Variants in TAOK3 observed in about 807,000 individuals in gnomAD.
TAOK3 encodes TAO kinase 3, also known as serine/threonine-protein kinase TAO3.
Under a neutral mutation model 120.4 loss-of-function variants are expected in TAOK3, and 40 were observed. That is an observed-to-expected ratio of 0.33 (90% CI 0.26 to 0.43). The LOEUF is 0.43. Ranked by LOEUF, TAOK3 falls within the 20% of genes least tolerant of loss-of-function variation. The pLI, the probability that TAOK3 is intolerant of heterozygous loss-of-function variation, is 1.00. For missense variants in TAOK3, 821 were observed against 1,112.1 expected (o/e 0.74, Z 3.72); for synonymous variants, 355 against 387.5 (o/e 0.92, Z 0.99).
In TAOK3 at chr12:118,177,263, A is replaced by T; in HGVS notation, c.1633T>A (p.Leu545Met). The change falls in exon 16 of 21, where the codon TTG (leucine) becomes ATG (methionine). Residue 545 changes from leucine (L) to methionine (M), a missense_variant. Physicochemically the swap from Leu to Met is conservative, Grantham distance 15. This residue lies in a region of TAOK3 where 354 missense variants were observed against 572.1 expected (regional missense o/e 0.62). Coordinates refer to ENST00000392533, the MANE Select transcript of TAOK3 (RefSeq NM_016281.4). ...QQILAQQKKD[L>M]TTFLESQKKQ... Reference sequence around the variant, plus strand: ...TTCTGACTTTCTAAGAAAGTTGTCAAATCTTTCTTCTGCTGGGCCAAGATC... The same window carrying T: ...TTCTGACTTTCTAAGAAAGTTGTCATATCTTTCTTCTGCTGGGCCAAGATC... 6.2e-7 allele frequency: 1 copy of T among 1,613,370 alleles called. No homozygotes were observed. Among genetic ancestry groups the T allele is most frequent in the Non-Finnish European group, 8.5e-7 (1 of 1,179,496 alleles).
chr12:118,332,705 C>CT (rs1343201190), intron 1 of TAOK3, among the ~76,000 whole-genome samples: 2 of 152,190 alleles, frequency 1.3e-5, no homozygotes, highest in Non-Finnish European at 2.9e-5. Context: ...TAAACAGTCT[C>CT]TTACGCAATG....
intron 1 of TAOK3, among the ~76,000 whole-genome samples, chr12:118,295,843 C>T (rs1185077460): frequency 6.6e-6 from 1 of 152,140 alleles, no homozygotes; most frequent in African/African-American, 2.4e-5. Context: ...AAATATCTCA[C>T]CCACATCCAT....
chr12:118,271,380 A>C (rs893933368), intron 1 of TAOK3, among the ~76,000 whole-genome samples: 2 of 152,112 alleles, frequency 1.3e-5, no homozygotes, highest in South Asian at 2.1e-4. Context: ...TTACTAACAT[A>C]CTTTCCATCT....
intron 12 of TAOK3, chr12:118,201,039 C>A: frequency 3.3e-6 from 1 of 306,000 alleles, no homozygotes; most frequent in Non-Finnish European, 6.1e-6. Context: ...TCCAGGAAAC[C>A]TTCACTAATC....
At chr12:118,335,166 A>G (rs1198215085) in intron 1 of TAOK3, among the ~76,000 whole-genome samples, 1 of 151,498 alleles carries the variant, frequency 6.6e-6, no homozygotes, top group Non-Finnish European at 1.5e-5. Context: ...CCTGGGCAAC[A>G]AGAGCAAAAC....
At chr12:118,272,754 T>C (rs539346702) in intron 1 of TAOK3, among the ~76,000 whole-genome samples, 11 of 151,776 alleles carry the variant, frequency 7.2e-5, no homozygotes, top group Admixed American at 3.9e-4. Context: ...GAGGGTTGCT[T>C]GAGTCCAGGA....
intron 9 of TAOK3, among the ~76,000 whole-genome samples, chr12:118,224,878 C>A (rs1371535849): frequency 6.6e-6 from 1 of 151,934 alleles, no homozygotes; most frequent in African/African-American, 2.4e-5. Flanking sequence ...GGATAACAAG[C>A]TATTATGGAA....
rs189141752 is a variant in TAOK3, at chr12:118,172,825, T to C, written c.1696-165A>G. On this transcript the variant is annotated intron_variant, in intron 16 of 20. Coordinates refer to ENST00000392533, the MANE Select transcript of TAOK3 (RefSeq NM_016281.4). ...CCAATTTTTTTTATTTGCTCATTAA[T>C]TGAGTATTAAGTGAGAGGGACACTT... 9.2e-4 allele frequency among the ~76,000 whole-genome samples: 139 copies of C among 151,144 alleles called. No homozygotes were observed. Among genetic ancestry groups the C allele is most frequent in the Admixed American group, 1.4e-3 (21 of 15,224 alleles).
Position 118,214,019 on chromosome 12 carries a change from T to C in TAOK3, c.735A>G (p.Glu245=). The C allele has an allele frequency of 6.2e-7, 1 of 1,607,858 alleles. No homozygotes were observed. The highest frequency in any genetic ancestry group is 1.1e-5 in the South Asian group (1 of 90,694). Residue 245 remains glutamate (E), a splice_region_variant and synonymous_variant, in exon 10 of 21, where the codon GAA becomes GAG. Coordinates refer to ENST00000392533, the MANE Select transcript of TAOK3 (RefSeq NM_016281.4). ...QNDSPTLQSN[E]WTDSFRRFVD... is the part of the protein sequence containing the mutation. ...TTAAAATGATAGCAGAGTCTTACCA[T>C]TCATTAGACTGTAACGTTGGGGAGT...
rs1357212060 is a variant in TAOK3 at position 118,162,003 on chromosome 12, T to C, written c.1924A>G (p.Lys642Glu). 6 of 1,613,810 alleles carry C rather than the reference T, an allele frequency of 3.7e-6. No individual in the cohort carries two copies. The highest frequency in any genetic ancestry group is 1.7e-5 in the Admixed American group (1 of 59,984). Reference protein sequence around the residue: ...REELNKKRTQKEMEHAMLIRH... With the variant: ...REELNKKRTQEEMEHAMLIRH... ...ATTAGCATGGCATGCTCCATCTCCT[T>C]CTGGGTCCTCTTTTTATTTAGTTCC... Residue 642 changes from lysine (K) to glutamate (E), a missense_variant, in exon 18 of 21, where the codon AAG (lysine) becomes GAG (glutamate). By Grantham distance (56) the Lys-to-Glu change is moderately conservative (BLOSUM62 1). Transcript: ENST00000392533.
intron 17 of TAOK3, among the ~76,000 whole-genome samples, chr12:118,166,163 CAT>C (rs1380992776): frequency 6.6e-6 from 1 of 152,208 alleles, no homozygotes; most frequent in East Asian, 1.9e-4. Flanking sequence ...GAAGGACTAA[CAT>C]AAAGTTACAC....
intron 19 of TAOK3, among the ~76,000 whole-genome samples, chr12:118,159,118 A>G (rs1336378231): frequency 6.6e-6 from 1 of 152,108 alleles, no homozygotes; most frequent in Non-Finnish European, 1.5e-5. Flanking sequence ...GCTCACACCA[A>G]AGTTCTTTCT....
In TAOK3 at chr12:118,201,324, G is replaced by A; in HGVS notation, c.959C>T (p.Pro320Leu). Reference sequence around the variant, plus strand: ...CTCATCCTCCTGTGACTCATTCAAGGGTCCATTCCGTGTCTCTTGGAAAAG... The same window carrying A: ...CTCATCCTCCTGTGACTCATTCAAGAGTCCATTCCGTGTCTCTTGGAAAAG... ...KILFQETRNG[P>L]LNESQEDEED... is the part of the protein sequence containing the mutation. The change falls in exon 12 of 21, where the codon CCC (proline) becomes CTC (leucine). Residue 320 changes from proline to leucine, a missense_variant. Around this residue, in one of 2 missense-constraint regions of TAOK3, gnomAD observed 467 missense variants for 540.0 expected, o/e 0.86. Coordinates refer to ENST00000392533, the MANE Select transcript of TAOK3 (RefSeq NM_016281.4). 3 of 1,613,624 alleles carry A rather than the reference G, an allele frequency of 1.9e-6. No homozygotes were observed. The highest frequency in any genetic ancestry group is 2.5e-6 in the Non-Finnish European group (3 of 1,179,766).
intron 16 of TAOK3, 122 bp from the exon 17 acceptor site, chr12:118,172,782 G>A: frequency 3.5e-6 from 3 of 869,346 alleles, no homozygotes; most frequent in Non-Finnish European, 5.5e-6. Context: ...GAAAAGCTTA[G>A]TGTTGCACAT....
chr12:118,333,452 G>A (rs1229988124), intron 1 of TAOK3, among the ~76,000 whole-genome samples: 2 of 152,114 alleles, frequency 1.3e-5, no homozygotes, highest in Non-Finnish European at 2.9e-5. Flanking sequence ...TGAAAATACA[G>A]CATATCAAAA....
chr12:118,269,880 A>T (rs2041629647), intron 1 of TAOK3, among the ~76,000 whole-genome samples: 1 of 152,180 alleles, frequency 6.6e-6, no homozygotes, highest in South Asian at 2.1e-4. Flanking sequence ...AACCTAAAGG[A>T]TATTTTCAAT....
intron 1 of TAOK3, among the ~76,000 whole-genome samples, chr12:118,300,585 A>G (rs573141713): frequency 3.3e-5 from 5 of 152,078 alleles, no homozygotes; most frequent in African/African-American, 1.2e-4. Context: ...ACATGCACGC[A>G]CACACACTCA....
At chr12:118,284,957 A>G (rs115018579) in intron 1 of TAOK3, among the ~76,000 whole-genome samples, 2,347 of 152,124 alleles carry the variant, frequency 0.015, 59 homozygotes, top group African/African-American at 0.054. Context: ...TACCAGAAAT[A>G]AAATTTAGAT....
At chr12:118,209,075 G>A (rs2038487219) in intron 11 of TAOK3, among the ~76,000 whole-genome samples, 1 of 152,022 alleles carries the variant, frequency 6.6e-6, no homozygotes, top group Non-Finnish European at 1.5e-5. Flanking sequence ...TATTCATTAC[G>A]GCACAGTTTG....
Sources: gnomAD v4.1 joint callset for allele counts (sites outside exome capture counted in the v4.1 genomes callset) on GRCh38, gnomAD v4.1.1 for gene constraint, gnomAD v4.1.1 regional missense constraint, MANE v1.5 for transcripts, NCBI Gene and HGNC (gene_info 2026-07-23, HGNC 2026-07-21) for gene names.